RPA3: variants seen among roughly 807,000 people sequenced by gnomAD.
RPA3 encodes the protein replication protein A3, also known as replication protein A 14 kDa subunit.
RPA3 carries 24 observed loss-of-function variants against 13.7 expected under a neutral mutation model. That is an observed-to-expected ratio of 1.75 (90% confidence interval 1.27 to 2.46). RPA3 has a LOEUF of 2.46. Ranked by LOEUF, RPA3 falls within the 30% of genes most tolerant of loss-of-function variation. RPA3 has a pLI of 0.00. For synonymous variants in RPA3, 59 were observed against 51.2 expected (o/e 1.15, Z -0.65); for missense variants, 183 against 151.0 (o/e 1.21, Z -1.11).
In RPA3 at chr7:7,673,446, C is replaced by T. The variant is rs774762669; in HGVS notation, c.-758+12384G>A. The T allele has an allele frequency of 1.2e-5, 10 of 859,264 alleles. No individual in the cohort carries two copies. In the South Asian group the frequency reaches 1.4e-4, roughly 12 times the overall value. The allele number at this position is 859,264 out of a possible 1,614,324, so 53.2% of individuals were successfully genotyped here. On this transcript the variant is annotated intron_variant, in intron 4 of 7. Transcript: ENST00000223129. ...CAGAGACAGAAGCAGATGGATTCGT[C>T]CTTTTAGGTGAGTCTTTTTAAGAAA...
At position 7,640,936 on chromosome 7, in the gene RPA3, G is replaced by A. The variant is rs537680122; in HGVS notation, c.-518C>T. On this transcript the variant is annotated 5_prime_UTR_variant, in exon 5 of 8. Coordinates refer to ENST00000223129, the MANE Select transcript of RPA3 (RefSeq NM_002947.5). ...TAGCTGCTGCCGCGGTGCTGTGGGT[G>A]CTGCGTACCAGCTGTTCACTGCTGT... 109 of 162,988 alleles carry A rather than the reference G, an allele frequency of 6.7e-4. No homozygotes were observed. The highest frequency in any genetic ancestry group is 3.1e-3 in the Middle Eastern group (1 of 324). The allele number at this position is 162,988 out of a possible 1,614,324, so 10.1% of individuals were successfully genotyped here. A position where few individuals can be genotyped will look rare whatever the true frequency, so the allele number is the denominator to read the frequency against.
Position 7,714,853 on chromosome 7 carries a change from CTT to C in RPA3, c.-1028+320_-1028+321del, listed in dbSNP as rs1029148023. On this transcript the variant is annotated intron_variant, in intron 2 of 7. Coordinates refer to ENST00000223129, the MANE Select transcript of RPA3 (RefSeq NM_002947.5). ...ATGAACTGGTTGTTCAAAAATTTTT[CTT>C]TTTTTTTTTTTTTTTTTAGTTGATA... Among the ~76,000 whole-genome samples, 256 of 111,152 alleles carry C rather than the reference CTT, an allele frequency of 2.3e-3. 3 individuals carry two copies. Among genetic ancestry groups the C allele is most frequent in the African/African-American group, 8.1e-3 (244 of 30,254 alleles). The allele number at this position is 111,152 out of a possible 152,430, so 72.9% of individuals were successfully genotyped here. A position where few individuals can be genotyped will look rare whatever the true frequency, so the allele number is the denominator to read the frequency against.
intron 2 of RPA3, among the ~76,000 whole-genome samples, chr7:7,702,673 T>C (rs1337656295): frequency 6.6e-6 from 1 of 152,230 alleles, no homozygotes; most frequent in Non-Finnish European, 1.5e-5. Flanking sequence ...GTATATTAAG[T>C]GACTTTCTTT....
At chr7:7,676,777 G>A (rs138693967) in intron 4 of RPA3, among the ~76,000 whole-genome samples, 59 of 152,240 alleles carry the variant, frequency 3.9e-4, no homozygotes, top group African/African-American at 1.2e-3. Flanking sequence ...GGTTTAATTA[G>A]TGAAAACATC....
At chr7:7,643,833 C>G (rs2115543365) in intron 4 of RPA3, among the ~76,000 whole-genome samples, 1 of 152,088 alleles carries the variant, frequency 6.6e-6, no homozygotes, top group Non-Finnish European at 1.5e-5. Context: ...TTCCTTTCTT[C>G]CTGTTTTAAG....
At chr7:7,677,293 A>G (rs1416820599) in intron 4 of RPA3, among the ~76,000 whole-genome samples, 1 of 152,148 alleles carries the variant, frequency 6.6e-6, no homozygotes. Context: ...TATACAATAA[A>G]TTATTGTTAA....
At chr7:7,642,805 A>G (rs761465523) in intron 4 of RPA3, among the ~76,000 whole-genome samples, 1 of 152,186 alleles carries the variant, frequency 6.6e-6, no homozygotes, top group South Asian at 2.1e-4. Flanking sequence ...CCTCCTTGCT[A>G]CAGCCATAAG....
At chr7:7,671,870 C>G (rs972202879) in intron 4 of RPA3, among the ~76,000 whole-genome samples, 5 of 152,106 alleles carry the variant, frequency 3.3e-5, no homozygotes, top group African/African-American at 7.2e-5. Flanking sequence ...AGAAGCTGTT[C>G]CTTTTTTCTA....
chr7:7,704,654 G>A (rs1583756188), intron 2 of RPA3, among the ~76,000 whole-genome samples: 1 of 145,934 alleles, frequency 6.9e-6, no homozygotes, highest in South Asian at 2.2e-4. Flanking sequence ...TGTAGTCCCA[G>A]CCATTCAGAA....
intron 4 of RPA3, among the ~76,000 whole-genome samples, chr7:7,656,902 A>C (rs1785356809): frequency 6.6e-6 from 1 of 152,242 alleles, no homozygotes; most frequent in African/African-American, 2.4e-5. Flanking sequence ...TGACTTCCAC[A>C]ATGGTTGAAC....
chr7:7,650,682 T>G (rs1462339826), intron 4 of RPA3, among the ~76,000 whole-genome samples: 1 of 152,272 alleles, frequency 6.6e-6, no homozygotes, highest in Non-Finnish European at 1.5e-5. Flanking sequence ...AGTGGCAATG[T>G]TACTTGTGCC....
At chr7:7,659,453 T>A (rs1313050836) in intron 4 of RPA3, among the ~76,000 whole-genome samples, 1 of 152,202 alleles carries the variant, frequency 6.6e-6, no homozygotes, top group African/African-American at 2.4e-5. Flanking sequence ...GTGCTATAAA[T>A]TTTCCTCTAA....
chr7:7,691,359 C>T (rs11771027), intron 2 of RPA3, among the ~76,000 whole-genome samples: 7,768 of 152,166 alleles, frequency 0.051, 246 homozygotes, highest in Middle Eastern at 0.12. Context: ...ATTTTATATT[C>T]AATTAAAATA....
intron 4 of RPA3, among the ~76,000 whole-genome samples, chr7:7,653,585 G>A (rs532005084): frequency 1.0e-3 from 154 of 152,312 alleles, no homozygotes; most frequent in African/African-American, 3.5e-3. Flanking sequence ...TCACAGAGGA[G>A]TTACAACACA....
intron 4 of RPA3, among the ~76,000 whole-genome samples, chr7:7,677,527 T>G (rs1779772815): frequency 6.6e-6 from 1 of 152,154 alleles, no homozygotes; most frequent in Admixed American, 6.6e-5. Context: ...TGTGCCTGCT[T>G]TATTTCACTT....
At chr7:7,644,672 A>G (rs1785056401) in intron 4 of RPA3, among the ~76,000 whole-genome samples, 3 of 152,112 alleles carry the variant, frequency 2.0e-5, no homozygotes, top group African/African-American at 7.2e-5. Flanking sequence ...GTTTACAGAT[A>G]TGTGTGGAGT....
intron 4 of RPA3, among the ~76,000 whole-genome samples, chr7:7,662,120 C>G (rs1415890627): frequency 1.3e-5 from 2 of 152,098 alleles, no homozygotes; most frequent in South Asian, 4.1e-4. Flanking sequence ...GAGGGGAAAA[C>G]GGCCCACTCA....
chr7:7,675,235 G>A (rs935931763), intron 4 of RPA3, among the ~76,000 whole-genome samples: 1 of 152,206 alleles, frequency 6.6e-6, no homozygotes, highest in Non-Finnish European at 1.5e-5. Flanking sequence ...TTTAGAGGCT[G>A]TAAGTTGGGT....
chr7:7,715,896 T>A (rs911636808), intron 1 of RPA3, among the ~76,000 whole-genome samples: 1 of 152,180 alleles, frequency 6.6e-6, no homozygotes, highest in Non-Finnish European at 1.5e-5. Context: ...TTTTAACCAT[T>A]TACTAAACTT....
Sources: allele counts gnomAD v4.1 joint callset (sites outside exome capture counted in the v4.1 genomes callset), GRCh38; gene constraint gnomAD v4.1.1; transcripts MANE v1.5; gene names NCBI Gene and HGNC (gene_info 2026-07-23, HGNC 2026-07-21).